Variants in APPL2 observed in about 807,000 individuals in gnomAD.
APPL2 encodes DCC-interacting protein 13-beta.
A neutral mutation model predicts 92.7 loss-of-function variants in APPL2; 84 were observed. The ratio of observed to expected loss-of-function variants is 0.91; its 90% CI spans 0.76 to 1.09. APPL2 has a LOEUF of 1.09. Among genes scored for constraint, APPL2 ranks in the 50% least tolerant of loss-of-function variants. The pLI is 0.00. For missense variants in APPL2, 736 were observed against 824.5 expected, an observed-to-expected ratio of 0.89 and a Z score of 1.31; for synonymous variants, 291 against 291.0, an observed-to-expected ratio of 1.00 and a Z score of 0.00.
intron 17 of APPL2, among the ~76,000 whole-genome samples, chr12:105,179,507 G>A (rs1401301736): frequency 6.6e-6 from 1 of 152,136 alleles, no homozygotes; most frequent in African/African-American, 2.4e-5. Flanking sequence ...CCAGTAATGG[G>A]ATTGCTGGGT....
chr12:105,176,114 A>G (rs746952462), intron 19 of APPL2, 32 bp from the exon 20 acceptor site: 2 of 1,569,238 alleles, frequency 1.3e-6, no homozygotes, highest in Non-Finnish European at 1.7e-6. Context: ...GTGATTGGCA[A>G]AAGTAGAGAA....
intron 8 of APPL2, among the ~76,000 whole-genome samples, chr12:105,204,262 T>C (rs1451506337): frequency 6.6e-6 from 1 of 152,146 alleles, no homozygotes; most frequent in African/African-American, 2.4e-5. Flanking sequence ...CAAGCCTAGA[T>C]GATGAAAAAA....
In APPL2 at chr12:105,178,714, T is replaced by C. The variant is rs563124071; in HGVS notation, c.1635-1452A>G. Among the ~76,000 whole-genome samples the C allele has an allele frequency of 3.3e-5, 5 of 152,338 alleles. No homozygotes were observed. In the South Asian group the frequency reaches 1.0e-3, roughly 32 times the overall value. On this transcript the variant is annotated intron_variant, in intron 17 of 20. Coordinates refer to ENST00000258530, the MANE Select transcript of APPL2 (RefSeq NM_018171.5). Reference sequence around the variant, plus strand: ...AACTGGTTCATCTGTAAAACTGTGGTAAGAACCCCCACTTCCAAGAGGTGG... The same window carrying C: ...AACTGGTTCATCTGTAAAACTGTGGCAAGAACCCCCACTTCCAAGAGGTGG...
At chr12:105,214,854 G>GA (rs1264562703) in intron 4 of APPL2, among the ~76,000 whole-genome samples, 1 of 152,200 alleles carries the variant, frequency 6.6e-6, no homozygotes, top group African/African-American at 2.4e-5. Context: ...AGGAACGGGA[G>GA]AGAGCTGGAG....
intron 4 of APPL2, among the ~76,000 whole-genome samples, chr12:105,212,912 G>A (rs993337112): frequency 3.3e-5 from 5 of 152,184 alleles, no homozygotes; most frequent in African/African-American, 7.2e-5. Context: ...TTTCCCTATC[G>A]CTCAACCAAG....
Position 105,174,208 on chromosome 12 carries a change from G to A in APPL2, c.*106C>T, listed in dbSNP as rs1885250005. 4 of 1,377,734 alleles carry A rather than the reference G, an allele frequency of 2.9e-6. No homozygotes were observed. Among genetic ancestry groups the A allele is most frequent in the Non-Finnish European group, 3.9e-6 (4 of 1,025,240 alleles). The allele number at this position is 1,377,734 out of a possible 1,614,324, so 85.3% of individuals were successfully genotyped here. A position where few individuals can be genotyped will look rare whatever the true frequency, so the allele number is the denominator to read the frequency against. ...TCAAGATTACATTCCACAAACGATT[G>A]TCAGCCTTCGGAAATCAGGTCAGTG... On this transcript the variant is annotated 3_prime_UTR_variant, in exon 21 of 21. Transcript: ENST00000258530.
intron 1 of APPL2, chr12:105,233,077 A>G: frequency 2.0e-6 from 2 of 985,200 alleles, no homozygotes; most frequent in Middle Eastern, 5.2e-4. Context: ...TTACCTCAAA[A>G]GTGTACTACT....
At chr12:105,228,616 TA>T (rs1890696679) in intron 2 of APPL2, among the ~76,000 whole-genome samples, 1 of 152,230 alleles carries the variant, frequency 6.6e-6, no homozygotes, top group African/African-American at 2.4e-5. Context: ...TCACTTTTGC[TA>T]CTCAGCAATT....
At chr12:105,190,256 G>GAA in intron 14 of APPL2, 101 bp from the exon 15 acceptor site, 1 of 1,279,274 alleles carries the variant, frequency 7.8e-7, no homozygotes, top group Non-Finnish European at 1.1e-6. Context: ...AATACAAGGG[G>GAA]AAAGATTGAC....
At chr12:105,193,766 TA>T (rs1376087260) in intron 14 of APPL2, among the ~76,000 whole-genome samples, 1 of 152,204 alleles carries the variant, frequency 6.6e-6, no homozygotes, top group Admixed American at 6.5e-5. Context: ...GCTTCACAGC[TA>T]CTACTACATC....
chr12:105,232,297 C>A (rs1034347997), intron 1 of APPL2, among the ~76,000 whole-genome samples: 9 of 152,144 alleles, frequency 5.9e-5, no homozygotes, highest in Non-Finnish European at 1.3e-4. Flanking sequence ...AATCCAAGCA[C>A]CCTATGCACA....
intron 14 of APPL2, among the ~76,000 whole-genome samples, chr12:105,193,868 C>T (rs1052095551): frequency 1.3e-5 from 2 of 152,226 alleles, no homozygotes; most frequent in Admixed American, 6.5e-5. Context: ...TCTTCCCTAA[C>T]CCTGGTTCTG....
chr12:105,186,635 T>TGATATCGATAA (rs1566056032), intron 17 of APPL2, among the ~76,000 whole-genome samples: 1 of 132,448 alleles, frequency 7.6e-6, no homozygotes, highest in Non-Finnish European at 1.6e-5. Flanking sequence ...ATCATATATA[T>TGATATCGATAA]CATATATATG....
intron 14 of APPL2, among the ~76,000 whole-genome samples, chr12:105,193,340 C>T (rs1887386505): frequency 6.6e-6 from 1 of 152,086 alleles, no homozygotes; most frequent in African/African-American, 2.4e-5. Flanking sequence ...TAGAAGGGTC[C>T]TAGGAGGTTA....
In APPL2 at chr12:105,177,212, T is replaced by C. The variant is rs189720343; in HGVS notation, c.1671+14A>G. The stretch of plus-strand genomic sequence containing the variant: ...AGGAGTAATCACTAACATGAACCTG[T>C]ATGCGGTACTTACATTGGCCCTTGA... On this transcript the variant is annotated intron_variant, in intron 18 of 20. Transcript: ENST00000258530. 53 of 1,613,316 alleles carry C rather than the reference T, an allele frequency of 3.3e-5. No homozygotes were observed. In the African/African-American group the frequency reaches 3.9e-4, roughly 12 times the overall value.
chr12:105,174,951 T>G (rs1030705264), intron 20 of APPL2, among the ~76,000 whole-genome samples: 7 of 150,164 alleles, frequency 4.7e-5, no homozygotes, highest in Non-Finnish European at 1.0e-4. Context: ...TGGTATGATC[T>G]CAGCTCACTG....
At chr12:105,218,949 G>A (rs897153839) in intron 2 of APPL2, among the ~76,000 whole-genome samples, 6 of 152,140 alleles carry the variant, frequency 3.9e-5, no homozygotes, top group Non-Finnish European at 8.8e-5. Context: ...GCTACACAGC[G>A]GTTTTCTACC....
At chr12:105,193,474 C>A (rs981756317) in intron 14 of APPL2, among the ~76,000 whole-genome samples, 1 of 152,220 alleles carries the variant, frequency 6.6e-6, no homozygotes, top group Non-Finnish European at 1.5e-5. Flanking sequence ...TGTCTCTCAA[C>A]TGCAGGTCTG....
At chr12:105,185,340 C>G (rs1886506309) in intron 17 of APPL2, among the ~76,000 whole-genome samples, 1 of 152,142 alleles carries the variant, frequency 6.6e-6, no homozygotes, top group African/African-American at 2.4e-5. Flanking sequence ...CAGTGTCTGC[C>G]CAAATGGCCG....
Sources: gnomAD v4.1 joint callset for allele counts (sites outside exome capture counted in the v4.1 genomes callset) on GRCh38, gnomAD v4.1.1 for gene constraint, MANE v1.5 for transcripts, NCBI Gene and HGNC (gene_info 2026-07-23, HGNC 2026-07-21) for gene names.